Variants in UVRAG observed in about 807,000 individuals in gnomAD.
UVRAG encodes the protein UV radiation resistance-associated gene protein.
A neutral mutation model predicts 78.0 loss-of-function variants in UVRAG; 19 were observed. The observed-to-expected ratio is 0.24, with a 90% confidence interval of 0.17 to 0.36. The LOEUF (loss-of-function observed/expected upper bound fraction) is 0.36. Among genes scored for constraint, UVRAG ranks in the 10% least tolerant of loss-of-function variants. The pLI is 1.00. For missense variants in UVRAG, 740 were observed against 853.8 expected, an observed-to-expected ratio of 0.87 and a Z score of 1.66; for synonymous variants, 323 against 324.6, an observed-to-expected ratio of 1.00 and a Z score of 0.05.
rs375990347 is a variant in UVRAG, at chr11:76,140,791, C to G, written c.1478C>G (p.Ser493Cys). Residue 493 changes from serine to cysteine, a missense_variant, in exon 15 of 15, where the codon TCT (serine) becomes TGT (cysteine). Coordinates refer to ENST00000356136, the MANE Select transcript of UVRAG (RefSeq NM_003369.4). Reference protein sequence around the residue: ...SIFGGADVGFSGGIPSPDKGH... With the variant: ...SIFGGADVGFCGGIPSPDKGH... Reference sequence around the variant, plus strand: ...TTTGGGGGTGCAGATGTAGGCTTCTCTGGGGGGATCCCTTCACCAGACAAA... The same window carrying G: ...TTTGGGGGTGCAGATGTAGGCTTCTGTGGGGGGATCCCTTCACCAGACAAA... 9.9e-6 allele frequency: 16 copies of G among 1,613,996 alleles called. No individual in the cohort carries two copies. In the African/African-American group the frequency reaches 1.9e-4, roughly 19 times the overall value.
chr11:75,961,928 C>A (rs981560936), intron 7 of UVRAG, among the ~76,000 whole-genome samples: 1 of 151,958 alleles, frequency 6.6e-6, no homozygotes, highest in Non-Finnish European at 1.5e-5. Flanking sequence ...TTGGATTGAG[C>A]AAAACAGGCT....
chr11:76,011,362 G>T (rs989072010), intron 11 of UVRAG, among the ~76,000 whole-genome samples: 1 of 152,124 alleles, frequency 6.6e-6, no homozygotes, highest in Admixed American at 6.5e-5. Context: ...GGTGGCTCAC[G>T]CCTGTAATTC....
intron 8 of UVRAG, among the ~76,000 whole-genome samples, chr11:76,003,288 T>G (rs796501645): frequency 1.3e-3 from 82 of 62,536 alleles, no homozygotes; most frequent in African/African-American, 4.5e-3. Flanking sequence ...TTTTTTTTTT[T>G]GGAGACAGAG....
intron 3 of UVRAG, among the ~76,000 whole-genome samples, chr11:75,866,246 C>T (rs1322768311): frequency 1.3e-5 from 2 of 151,284 alleles, no homozygotes; most frequent in African/African-American, 4.9e-5. Flanking sequence ...TCGAGCTGAG[C>T]GTGGTGGCTC....
At chr11:75,866,376 T>TAAATAAATA (rs1555077120) in intron 3 of UVRAG, among the ~76,000 whole-genome samples, 4,287 of 150,190 alleles carry the variant, frequency 0.029, 71 homozygotes, top group South Asian at 0.059. Context: ...AATAAATAAA[T>TAAATAAATA]AAATAAAATA....
At chr11:76,104,043 AATATTTAGACTGTGCGCTG>A (rs1159338281) in intron 13 of UVRAG, among the ~76,000 whole-genome samples, 16 of 152,238 alleles carry the variant, frequency 1.1e-4, no homozygotes, top group Non-Finnish European at 1.8e-4. Flanking sequence ...ACTTATATGC[AATATTTAGACTGTGCGCTG>A]CAGTGTAAAC....
intron 3 of UVRAG, among the ~76,000 whole-genome samples, chr11:75,879,052 G>T (rs1214983690): frequency 6.6e-6 from 1 of 152,122 alleles, no homozygotes; most frequent in Non-Finnish European, 1.5e-5. Flanking sequence ...TTCAGAGAGG[G>T]TTTCGACTCC....
intron 13 of UVRAG, among the ~76,000 whole-genome samples, chr11:76,077,179 C>T (rs1951419114): frequency 6.7e-6 from 1 of 148,904 alleles, no homozygotes; most frequent in African/African-American, 2.5e-5. Context: ...TATATATACA[C>T]ACACACACAT....
intron 14 of UVRAG, among the ~76,000 whole-genome samples, chr11:76,122,928 C>G (rs561131021): frequency 1.2e-4 from 18 of 152,276 alleles, no homozygotes; most frequent in Admixed American, 7.8e-4. Context: ...TTGCAAGAAC[C>G]TTGTGAGAGT....
intron 6 of UVRAG, among the ~76,000 whole-genome samples, chr11:75,960,912 C>T (rs1212951464): frequency 6.6e-6 from 1 of 152,164 alleles, no homozygotes; most frequent in African/African-American, 2.4e-5. Flanking sequence ...TTGAACCTGG[C>T]CGAGTATTTA....
chr11:76,084,252 A>T (rs1951545864), intron 13 of UVRAG, among the ~76,000 whole-genome samples: 1 of 152,228 alleles, frequency 6.6e-6, no homozygotes, highest in African/African-American at 2.4e-5. Context: ...CATTAAATTC[A>T]TACCAGGAGA....
At chr11:76,013,812 T>C (rs1002626977) in intron 11 of UVRAG, among the ~76,000 whole-genome samples, 1 of 152,210 alleles carries the variant, frequency 6.6e-6, no homozygotes, top group South Asian at 2.1e-4. Context: ...GAAATACCCT[T>C]GGGCCCTGTA....
chr11:75,948,681 A>G (rs538676524), intron 6 of UVRAG, among the ~76,000 whole-genome samples: 33 of 152,288 alleles, frequency 2.2e-4, no homozygotes, highest in African/African-American at 7.9e-4. Context: ...TCATCGATGG[A>G]AGATGTTATC....
At chr11:75,831,902 C>A (rs919618243) in intron 1 of UVRAG, among the ~76,000 whole-genome samples, 1 of 152,156 alleles carries the variant, frequency 6.6e-6, no homozygotes, top group African/African-American at 2.4e-5. Flanking sequence ...TGGGCAAAAT[C>A]GTCTGACACA....
At chr11:76,113,224 T>C (rs991154072) in intron 13 of UVRAG, among the ~76,000 whole-genome samples, 1 of 152,198 alleles carries the variant, frequency 6.6e-6, no homozygotes, top group African/African-American at 2.4e-5. Context: ...AAATATGATA[T>C]TGAATGTATT....
chr11:75,916,266 T>C (rs1947851635), intron 6 of UVRAG: 1 of 152,202 alleles, frequency 6.6e-6, no homozygotes. Flanking sequence ...GCAAGTAACG[T>C]CAACTTTTTG....
chr11:75,999,452 G>A (rs934067074), intron 8 of UVRAG, among the ~76,000 whole-genome samples: 6 of 151,640 alleles, frequency 4.0e-5, no homozygotes, highest in Middle Eastern at 3.4e-3. Context: ...GTGCAATCTC[G>A]GCTTACTGCA....
intron 9 of UVRAG, 63 bp downstream of exon 9, chr11:76,004,152 AAGT>A (rs1272249348): frequency 1.3e-5 from 20 of 1,524,728 alleles, no homozygotes; most frequent in Non-Finnish European, 1.8e-5. Flanking sequence ...AGATTTGAAA[AAGT>A]AGCATTCTTT....
intron 7 of UVRAG, among the ~76,000 whole-genome samples, chr11:75,968,414 T>G (rs1187778502): frequency 6.6e-6 from 1 of 152,192 alleles, no homozygotes; most frequent in Non-Finnish European, 1.5e-5. Flanking sequence ...CTTTGAGCAG[T>G]TCATCTTTGA....
Sources: allele counts gnomAD v4.1 joint callset (sites outside exome capture counted in the v4.1 genomes callset), GRCh38; gene constraint gnomAD v4.1.1; transcripts MANE v1.5; gene names NCBI Gene and HGNC (gene_info 2026-07-23, HGNC 2026-07-21).